Variants in FYTTD1 observed in about 807,000 individuals in gnomAD.
FYTTD1 encodes the protein UAP56-interacting factor.
Under a neutral mutation model 40.9 loss-of-function variants are expected in FYTTD1, and 22 were observed. That is an observed-to-expected ratio of 0.54 (90% CI 0.38 to 0.77). The LOEUF (loss-of-function observed/expected upper bound fraction) is 0.77. Among genes scored for constraint, FYTTD1 ranks in the 30% least tolerant of loss-of-function variants. The probability of loss-of-function intolerance (pLI) is 0.00; values close to 1 mark genes in which losing one functional copy is unlikely to be tolerated. For missense variants in FYTTD1, 351 were observed against 392.2 expected (o/e 0.90, Z 0.89); for synonymous variants, 140 against 137.9 (o/e 1.01, Z -0.10).
intron 1 of FYTTD1, chr3:197,750,360 C>T (rs1728974593): frequency 8.9e-7 from 1 of 1,120,390 alleles, no homozygotes; most frequent in Non-Finnish European, 1.1e-6. Context: ...CGCAGGGTCG[C>T]GGGGGGCGTC....
intron 6 of FYTTD1, among the ~76,000 whole-genome samples, chr3:197,776,386 T>TC: frequency 8.0e-6 from 1 of 125,232 alleles, no homozygotes; most frequent in East Asian, 2.0e-4. Context: ...TTAAATTTGT[T>TC]TTTTTTTTTT....
rs1730132472 is a variant in FYTTD1 at position 197,785,408 on chromosome 3, T to G, written c.*3499T>G. 1 of 152,232 alleles carries G rather than the reference T, an allele frequency of 6.6e-6. No homozygotes were observed. Among genetic ancestry groups the G allele is most frequent in the Non-Finnish European group, 1.5e-5 (1 of 68,038 alleles). 9.4% of individuals were successfully genotyped at this position (152,232 alleles called of 1,614,324 possible). On this transcript the variant is annotated 3_prime_UTR_variant, in exon 9 of 9. Transcript: ENST00000241502. ...TTGCTTATAAGTAGACCCAGGTAAT[T>G]CAAAGCCATGTTGTTGAAGGGCCAA...
intron 1 of FYTTD1, chr3:197,755,958 A>G: frequency 3.3e-6 from 2 of 608,276 alleles, no homozygotes; most frequent in Non-Finnish European, 5.9e-6. Context: ...AGGTAGGAAA[A>G]TGGAGGCTTC....
Position 197,782,578 on chromosome 3 carries a change from A to G in FYTTD1, c.*669A>G, listed in dbSNP as rs1212544890. The G allele has an allele frequency of 6.6e-6, 1 of 152,202 alleles. No homozygotes were observed. The highest frequency in any genetic ancestry group is 1.5e-5 in the Non-Finnish European group (1 of 68,038). 9.4% of individuals were successfully genotyped at this position (152,202 alleles called of 1,614,324 possible). A position where few individuals can be genotyped will look rare whatever the true frequency, so the allele number is the denominator to read the frequency against. Reference sequence around the variant, plus strand: ...TTAGAGACTGTAAATGCATATTCACAAAGTTATCTGATAGGGCCTTGGAGG... The same window carrying G: ...TTAGAGACTGTAAATGCATATTCACGAAGTTATCTGATAGGGCCTTGGAGG... On this transcript the variant is annotated 3_prime_UTR_variant, in exon 9 of 9. Coordinates refer to ENST00000241502, the MANE Select transcript of FYTTD1 (RefSeq NM_032288.7).
At chr3:197,753,819 G>A (rs1347935473) in intron 1 of FYTTD1, among the ~76,000 whole-genome samples, 5 of 151,778 alleles carry the variant, frequency 3.3e-5, no homozygotes, top group Non-Finnish European at 7.4e-5. Flanking sequence ...GCAGTGGCAC[G>A]ATCTCGGCTT....
intron 5 of FYTTD1, 67 bp downstream of exon 5, chr3:197,773,566 G>C: frequency 1.1e-6 from 1 of 894,098 alleles, no homozygotes; most frequent in Non-Finnish European, 1.8e-6. Context: ...ATCCTGAGCA[G>C]CCACCTTTAG....
chr3:197,774,806 G>C (rs925606187), intron 6 of FYTTD1, among the ~76,000 whole-genome samples: 1 of 150,872 alleles, frequency 6.6e-6, no homozygotes. Context: ...AGCATAGCTC[G>C]ATCGCCAGTG....
rs1730057364 is a variant in FYTTD1, at chr3:197,782,626, GAC to G, written c.*719_*720del. On this transcript the variant is annotated 3_prime_UTR_variant, in exon 9 of 9. Coordinates refer to ENST00000241502, the MANE Select transcript of FYTTD1 (RefSeq NM_032288.7). ...AGGAGAAGGTCCAGTTTTAAAAAAT[GAC>G]AGTTTGTGTTTAATAAATGAAGGCA... is the stretch of plus-strand genomic sequence containing the variant. 6.6e-6 allele frequency: 1 copy of G among 152,176 alleles called. No homozygotes were observed. Among genetic ancestry groups the G allele is most frequent in the South Asian group, 2.1e-4 (1 of 4,828 alleles). 9.4% of individuals were successfully genotyped at this position (152,176 alleles called of 1,614,324 possible). A position where few individuals can be genotyped will look rare whatever the true frequency, so the allele number is the denominator to read the frequency against.
At chr3:197,760,284 G>A (rs1729341120) in intron 2 of FYTTD1, among the ~76,000 whole-genome samples, 1 of 151,828 alleles carries the variant, frequency 6.6e-6, no homozygotes, top group Admixed American at 6.6e-5. Flanking sequence ...GTACAGAGTT[G>A]TTCTTTAGCG....
intron 2 of FYTTD1, among the ~76,000 whole-genome samples, chr3:197,757,431 T>A (rs535536954): frequency 1.3e-5 from 2 of 152,326 alleles, no homozygotes; most frequent in Non-Finnish European, 2.9e-5. Context: ...AAAAATAATC[T>A]CCAGTAGGTT....
chr3:197,781,329 T>A (rs528219703), intron 8 of FYTTD1, among the ~76,000 whole-genome samples: 39 of 151,216 alleles, frequency 2.6e-4, no homozygotes, highest in African/African-American at 5.6e-4. Context: ...AAAAAAAAAA[T>A]TTTGACCAAA....
In FYTTD1 at chr3:197,784,285, C is replaced by T. The variant is rs1282408527; in HGVS notation, c.*2376C>T. On this transcript the variant is annotated 3_prime_UTR_variant, in exon 9 of 9. Transcript: ENST00000241502. ...TTCATTTTTAACAAATAAAATGTTA[C>T]AGGTTTCACATGATTTATTCTCAGC... 6.6e-6 allele frequency: 1 copy of T among 152,154 alleles called. No individual in the cohort carries two copies. Among genetic ancestry groups the T allele is most frequent in the Non-Finnish European group, 1.5e-5 (1 of 68,026 alleles). 9.4% of individuals were successfully genotyped at this position (152,154 alleles called of 1,614,324 possible).
At chr3:197,763,717 AAGG>A in intron 2 of FYTTD1, 1 of 212,558 alleles carries the variant, frequency 4.7e-6, no homozygotes, top group Non-Finnish European at 9.7e-6. Context: ...TTGCTTTGGA[AAGG>A]AGCCAATAAT....
At chr3:197,765,827 T>C (rs1232702594) in intron 2 of FYTTD1, among the ~76,000 whole-genome samples, 1 of 151,998 alleles carries the variant, frequency 6.6e-6, no homozygotes, top group East Asian at 1.9e-4. Context: ...AAACCCTGTC[T>C]CTACTAAAAA....
intron 8 of FYTTD1, 107 bp from the exon 9 acceptor site, chr3:197,781,704 C>A: frequency 1.4e-6 from 1 of 730,858 alleles, no homozygotes; most frequent in South Asian, 2.1e-5. Flanking sequence ...GCTGTCATTA[C>A]TTGTAATTAA....
At chr3:197,767,950 C>G (rs1729600001) in intron 2 of FYTTD1, among the ~76,000 whole-genome samples, 1 of 152,152 alleles carries the variant, frequency 6.6e-6, no homozygotes, top group Non-Finnish European at 1.5e-5. Flanking sequence ...TGATTCCACT[C>G]TAGATCAGCA....
At chr3:197,766,438 T>TGC (rs1729550778) in intron 2 of FYTTD1, among the ~76,000 whole-genome samples, 1 of 150,074 alleles carries the variant, frequency 6.7e-6, no homozygotes, top group African/African-American at 2.4e-5. Context: ...CTGGTGTGTG[T>TGC]GTGTGTGTGT....
chr3:197,768,267 C>T (rs1729609711), intron 2 of FYTTD1, among the ~76,000 whole-genome samples, 172 bp from the exon 3 acceptor site: 1 of 152,170 alleles, frequency 6.6e-6, no homozygotes, highest in Non-Finnish European at 1.5e-5. Context: ...GAACCCTTCC[C>T]AATGCAGCAG....
chr3:197,767,605 C>CA (rs1364755351), intron 2 of FYTTD1, among the ~76,000 whole-genome samples: 1 of 151,418 alleles, frequency 6.6e-6, no homozygotes, highest in African/African-American at 2.5e-5. Flanking sequence ...GCTGGGACTA[C>CA]AGGCATGTGC....
Sources: gnomAD v4.1 joint callset for allele counts (sites outside exome capture counted in the v4.1 genomes callset) on GRCh38, gnomAD v4.1.1 for gene constraint, MANE v1.5 for transcripts, NCBI Gene and HGNC (gene_info 2026-07-23, HGNC 2026-07-21) for gene names.